IL5RA: variants seen among roughly 807,000 people sequenced by gnomAD.
IL5RA encodes the protein interleukin 5 receptor subunit alpha.
In IL5RA, 49 loss-of-function variants were observed where a neutral mutation model predicts 50.0. The observed-to-expected ratio is 0.98, with a 90% CI of 0.78 to 1.24. The LOEUF (loss-of-function observed/expected upper bound fraction) is 1.24, where lower values mean the gene tolerates loss of function less well. IL5RA is among the 50% of genes most tolerant of loss of function. The pLI, the probability that IL5RA is intolerant of heterozygous loss-of-function variation, is 0.00. For synonymous variants in IL5RA, 202 were observed against 174.0 expected (o/e 1.16, Z -1.26); for missense variants, 600 against 500.4 (o/e 1.20, Z -1.90).
At chr3:3,086,776 C>G (rs1371923759) in intron 9 of IL5RA, among the ~76,000 whole-genome samples, 1 of 152,188 alleles carries the variant, frequency 6.6e-6, no homozygotes, top group Non-Finnish European at 1.5e-5. Context: ...ATGTTTATCA[C>G]AGCACCATTC....
chr3:3,090,666 A>C lies in IL5RA; in HGVS notation c.994+1558T>G, dbSNP rs181072986. Among the ~76,000 whole-genome samples, 650 of 144,772 alleles carry C rather than the reference A, an allele frequency of 4.5e-3. 1 individual carries two copies. Among genetic ancestry groups the C allele is most frequent in the Non-Finnish European group, 6.6e-3 (447 of 67,284 alleles). 95.0% of individuals were successfully genotyped at this position (144,772 alleles called of 152,430 possible). On this transcript the variant is annotated intron_variant, in intron 9 of 11. Transcript: ENST00000446632. ...ACTGCAAGCTCCGCCTCCCGGGTTC[A>C]CGCCATTCTCCTGCCTCAGCCTCCC...
intron 2 of IL5RA, 41 bp from the exon 3 acceptor site, chr3:3,105,028 A>G: frequency 7.5e-7 from 1 of 1,333,538 alleles, no homozygotes; most frequent in Non-Finnish European, 1.1e-6. Flanking sequence ...TCTTGTTGCT[A>G]TTTTTAAGAA....
At chr3:3,080,747 T>C (rs530429066) in intron 9 of IL5RA, among the ~76,000 whole-genome samples, 2 of 152,302 alleles carry the variant, frequency 1.3e-5, no homozygotes, top group South Asian at 4.1e-4. Flanking sequence ...CAGGCTGGAG[T>C]GCAGTGGCAT....
chr3:3,105,263 G>A (rs1703854106), intron 2 of IL5RA, among the ~76,000 whole-genome samples: 1 of 152,218 alleles, frequency 6.6e-6, no homozygotes, highest in Non-Finnish European at 1.5e-5. Context: ...AATAGGAGCA[G>A]AGACTTCTGA....
chr3:3,091,887 T>C, intron 9 of IL5RA: 1 of 642,174 alleles, frequency 1.6e-6, no homozygotes, highest in Non-Finnish European at 2.0e-6. Context: ...AGACACAGGA[T>C]CTCTATTATT....
intron 9 of IL5RA, among the ~76,000 whole-genome samples, chr3:3,088,993 G>C (rs17878557): frequency 0.045 from 6,778 of 152,216 alleles, 229 homozygotes; most frequent in African/African-American, 0.1. Flanking sequence ...CCCTCCTGGG[G>C]AACAGAGTGA....
Position 3,087,495 on chromosome 3 carries a change from A to C in IL5RA, c.994+4729T>G, listed in dbSNP as rs189004436. On this transcript the variant is annotated intron_variant, in intron 9 of 11. Coordinates refer to ENST00000446632, the MANE Select transcript of IL5RA (RefSeq NM_175726.4). ...TTGGGCTATAATGGGTTAATTAGTT[A>C]ATCAAATCTATTCTAATTCACTGAT... is the stretch of plus-strand genomic sequence containing the variant. Among the ~76,000 whole-genome samples, 118 of 152,338 alleles carry C rather than the reference A, an allele frequency of 7.7e-4. 2 individuals are homozygous for C. The highest frequency in any genetic ancestry group is 6.9e-3 in the East Asian group (36 of 5,180).
At position 3,079,390 on chromosome 3, in the gene IL5RA, C is replaced by G. The variant is rs188009571; in HGVS notation, c.995-2763G>C. 4.6e-5 allele frequency among the ~76,000 whole-genome samples: 7 copies of G among 152,308 alleles called. No individual in the cohort carries two copies. The East Asian group carries it at 7.7e-4, about 17-fold the overall frequency. ...TTCAGTCTCCATTCTTCCAAGCCCC[C>G]AGACCTGAAGCCTCGAAGTCACTTT... On this transcript the variant is annotated intron_variant, in intron 9 of 11. Coordinates refer to ENST00000446632, the MANE Select transcript of IL5RA (RefSeq NM_175726.4).
intron 7 of IL5RA, among the ~76,000 whole-genome samples, chr3:3,095,651 AG>A (rs1703327034): frequency 6.6e-6 from 1 of 152,154 alleles, no homozygotes; most frequent in African/African-American, 2.4e-5. Flanking sequence ...GAAGAAGAAG[AG>A]ACCCTTTCTG....
chr3:3,095,567 T>C, intron 7 of IL5RA, 123 bp from the exon 8 acceptor site: 1 of 810,748 alleles, frequency 1.2e-6, no homozygotes, highest in East Asian at 2.6e-5. Flanking sequence ...ATATTTACCA[T>C]CAGGTCTTAA....
intron 9 of IL5RA, among the ~76,000 whole-genome samples, chr3:3,087,631 A>T (rs538167735): frequency 0.091 from 360 of 3,966 alleles, 2 homozygotes; most frequent in Middle Eastern, 0.33. Flanking sequence ...CTTACATTAA[A>T]ATAATGGGGG....
rs1312426945 is a variant in IL5RA, at chr3:3,102,793, G to C, written c.110C>G (p.Thr37Ser). 1 of 1,609,762 alleles carries C rather than the reference G, an allele frequency of 6.2e-7. No homozygotes were observed. The highest frequency in any genetic ancestry group is 1.1e-5 in the South Asian group (1 of 89,790). The change falls in exon 4 of 12, where the codon ACC (threonine) becomes AGC (serine). Residue 37 changes from threonine to serine, a missense_variant. Transcript: ENST00000446632. ...TTGAGCCAAACCAGTAACTTTAATG[G>C]TGAAATTGACAGGTGGGAGAAGTGA... is the stretch of plus-strand genomic sequence containing the variant. ...KISLLPPVNF[T>S]IKVTGLAQVL...
intron 9 of IL5RA, among the ~76,000 whole-genome samples, chr3:3,077,118 C>T (rs1005295540): frequency 5.3e-5 from 8 of 152,218 alleles, no homozygotes; most frequent in African/African-American, 1.9e-4. Context: ...AGGCATCAGA[C>T]TCCAAGTGCT....
chr3:3,076,736 G>A (rs552271160), intron 9 of IL5RA, 109 bp from the exon 10 acceptor site: 34 of 629,778 alleles, frequency 5.4e-5, no homozygotes, highest in Non-Finnish European at 8.1e-5. Flanking sequence ...TTGAGTTGCC[G>A]GTGCTGGGTG....
intron 11 of IL5RA, among the ~76,000 whole-genome samples, chr3:3,074,117 A>G (rs1702394616): frequency 6.6e-6 from 1 of 152,250 alleles, no homozygotes; most frequent in African/African-American, 2.4e-5. Context: ...GGCTGAACCT[A>G]AGCGCTCTGA....
At position 3,092,476 on chromosome 3, in the gene IL5RA, T is replaced by G. The variant is rs1703170956; in HGVS notation, c.856-114A>C. 1 of 967,822 alleles carries G rather than the reference T, an allele frequency of 1.0e-6. No individual in the cohort carries two copies. The highest frequency in any genetic ancestry group is 1.6e-6 in the Non-Finnish European group (1 of 637,472). The allele number at this position is 967,822 out of a possible 1,614,324, so 60.0% of individuals were successfully genotyped here. A position where few individuals can be genotyped will look rare whatever the true frequency, so the allele number is the denominator to read the frequency against. ...TGTGACTCACTGTTCAGCAAGTCCT[T>G]TAAAATCAACAGGGCACACATTAAT... On this transcript the variant is annotated intron_variant, in intron 8 of 11. Coordinates refer to ENST00000446632, the MANE Select transcript of IL5RA (RefSeq NM_175726.4). The surrounding 1 kb of genome is among the most constrained non-coding windows in gnomAD (Gnocchi z 4.2).
intron 9 of IL5RA, among the ~76,000 whole-genome samples, chr3:3,086,823 T>C (rs187512625): frequency 6.6e-6 from 1 of 152,272 alleles, no homozygotes; most frequent in East Asian, 1.9e-4. Flanking sequence ...TAAGTACCTA[T>C]CAACCGATGA....
intron 9 of IL5RA, among the ~76,000 whole-genome samples, chr3:3,079,072 C>T (rs1227203863): frequency 6.6e-6 from 1 of 152,182 alleles, no homozygotes; most frequent in Non-Finnish European, 1.5e-5. Context: ...TGGCCCTTCT[C>T]CCCATTTTAA....
At position 3,086,166 on chromosome 3, in the gene IL5RA, C is replaced by A. The variant is rs180795130; in HGVS notation, c.994+6058G>T. ...AGTTCTCAGAACCACTGATCCTGAC[C>A]AAAGACACGGCCAGAAATAAGTGCA... On this transcript the variant is annotated intron_variant, in intron 9 of 11. Coordinates refer to ENST00000446632, the MANE Select transcript of IL5RA (RefSeq NM_175726.4). 1.0e-3 allele frequency among the ~76,000 whole-genome samples: 159 copies of A among 152,314 alleles called. 1 individual carries two copies. The highest frequency in any genetic ancestry group is 3.2e-3 in the African/African-American group (131 of 41,568).
Sources: gnomAD v4.1 joint callset for allele counts (sites outside exome capture counted in the v4.1 genomes callset) on GRCh38, gnomAD v4.1.1 for gene constraint, Gnocchi (gnomAD v3.1) non-coding constraint, MANE v1.5 for transcripts, NCBI Gene and HGNC (gene_info 2026-07-23, HGNC 2026-07-21) for gene names.